Variants in PSPC1 observed in about 807,000 individuals in gnomAD.
PSPC1 encodes paraspeckle component 1, also known as paraspeckle protein 1.
Under a neutral mutation model 51.6 loss-of-function variants are expected in PSPC1, and 14 were observed. The observed-to-expected ratio is 0.27, with a 90% CI of 0.18 to 0.42. The LOEUF (loss-of-function observed/expected upper bound fraction) is 0.42. Ranked by LOEUF, PSPC1 falls within the 10% of genes least tolerant of loss-of-function variation. PSPC1 has a pLI of 1.00. For missense variants in PSPC1, 406 were observed against 701.1 expected, an observed-to-expected ratio of 0.58 and a Z score of 4.75; for synonymous variants, 193 against 231.9, an observed-to-expected ratio of 0.83 and a Z score of 1.53.
intron 6 of PSPC1, among the ~76,000 whole-genome samples, chr13:19,695,692 C>A (rs1345254368): frequency 6.6e-6 from 1 of 152,074 alleles, no homozygotes; most frequent in Admixed American, 6.5e-5. Flanking sequence ...AAAGTAAAAA[C>A]TCAAGGCAGG....
At chr13:19,717,704 T>TC (rs1374926850) in intron 6 of PSPC1, among the ~76,000 whole-genome samples, 17 of 69,644 alleles carry the variant, frequency 2.4e-4, no homozygotes, top group African/African-American at 8.3e-4. Context: ...AGACTCTGTC[T>TC]CAAAAAAAAA....
intron 6 of PSPC1, among the ~76,000 whole-genome samples, chr13:19,693,735 G>GA (rs1218177721): frequency 6.6e-6 from 1 of 152,130 alleles, no homozygotes; most frequent in Non-Finnish European, 1.5e-5. Context: ...TCTTTCCTGA[G>GA]AACTTCGTGC....
intron 5 of PSPC1, among the ~76,000 whole-genome samples, chr13:19,736,539 C>T (rs1310929903): frequency 6.6e-6 from 1 of 151,866 alleles, no homozygotes; most frequent in African/African-American, 2.4e-5. Context: ...AAAAATTAGC[C>T]AGGTGTGGTG....
rs200482553 is a variant in PSPC1 at position 19,772,403 on chromosome 13, C to A, written c.513G>T (p.Leu171=). 1.9e-6 allele frequency: 3 copies of A among 1,614,210 alleles called. No homozygotes were observed. Among genetic ancestry groups the A allele is most frequent in the African/African-American group, 2.7e-5 (2 of 75,062 alleles). Residue 171 remains leucine (L), a synonymous_variant, in exon 2 of 9, where the codon CTG becomes CTT. Transcript: ENST00000338910. The part of the protein sequence containing the change: ...KNLSPVVSNE[L]LEQAFSQFGP... ...CAAACTGAGAAAATGCTTGCTCTAG[C>A]AGCTCATTGGAAACAACTGGAGAAA...
intron 6 of PSPC1, among the ~76,000 whole-genome samples, chr13:19,696,259 T>C (rs894332390): frequency 1.3e-5 from 2 of 152,130 alleles, no homozygotes; most frequent in Non-Finnish European, 2.9e-5. Flanking sequence ...GAAACAAATC[T>C]CTATACTTAT....
chr13:19,743,157 T>C lies in PSPC1; in HGVS notation c.968-1508A>G, dbSNP rs199620204. ...AAGCTAAAAATCTTTGTGTGTGATT[T>C]TGTATAAAATTATGTATGTATATAT... On this transcript the variant is annotated intron_variant, in intron 4 of 8. Transcript: ENST00000338910. Among the ~76,000 whole-genome samples, 3 of 152,226 alleles carry C rather than the reference T, an allele frequency of 2.0e-5. No homozygotes were observed. The East Asian group carries it at 5.8e-4, about 29-fold the overall frequency.
In PSPC1 at chr13:19,728,437, TAAACAC is replaced by T. The variant is rs1428890196; in HGVS notation, c.1158+1796_1158+1801del. On this transcript the variant is annotated intron_variant, in intron 6 of 8. Coordinates refer to ENST00000338910, the MANE Select transcript of PSPC1 (RefSeq NM_001354909.2). ...CATAAGAGGGCCTAATTTCAAAGCT[TAAACAC>T]ACACACACACACACACACACACACA... Among the ~76,000 whole-genome samples, 7 of 83,720 alleles carry T rather than the reference TAAACAC, an allele frequency of 8.4e-5. No individual in the cohort carries two copies. The South Asian group carries it at 1.3e-3, about 15-fold the overall frequency. 54.9% of individuals were successfully genotyped at this position (83,720 alleles called of 152,430 possible). A position where few individuals can be genotyped will look rare whatever the true frequency, so the allele number is the denominator to read the frequency against.
At chr13:19,745,003 CT>C (rs1203515889) in intron 4 of PSPC1, among the ~76,000 whole-genome samples, 1 of 152,202 alleles carries the variant, frequency 6.6e-6, no homozygotes, top group Non-Finnish European at 1.5e-5. Context: ...CTTTGAAATG[CT>C]TTCCTGGCTG....
At chr13:19,733,793 A>G (rs2137962631) in intron 5 of PSPC1, among the ~76,000 whole-genome samples, 1 of 134,242 alleles carries the variant, frequency 7.4e-6, no homozygotes, top group Admixed American at 7.6e-5. Context: ...AAAAATATAT[A>G]TATATATATA....
Position 19,772,263 on chromosome 13 carries a change from TCAC to T in PSPC1, c.650_652del (p.Gly217del). ...TTACGTTGTTAGCAAGAATGCCCCA[TCAC>T]CACATCTTTCCAGAGCCTTTCGTGC... On this transcript the variant is annotated inframe_deletion, in exon 2 of 9. Transcript: ENST00000338910. 1.9e-6 allele frequency: 3 copies of T among 1,613,822 alleles called. No individual in the cohort carries two copies. Among genetic ancestry groups the T allele is most frequent in the Non-Finnish European group, 2.5e-6 (3 of 1,179,778 alleles).
chr13:19,691,597 A>G (rs8001587), intron 6 of PSPC1, among the ~76,000 whole-genome samples: 1,542 of 151,978 alleles, frequency 0.01, 27 homozygotes, highest in African/African-American at 0.035. Flanking sequence ...ACTTGATGGG[A>G]AACTGTTCTG....
At chr13:19,761,260 T>C (rs533493879) in intron 2 of PSPC1, among the ~76,000 whole-genome samples, 139 of 152,066 alleles carry the variant, frequency 9.1e-4, no homozygotes, top group South Asian at 3.7e-3. Context: ...GAGTGGGTAA[T>C]GAAAGATATG....
chr13:19,770,899 AAAAAAAAACAAAC>A (rs1395212908), intron 2 of PSPC1, among the ~76,000 whole-genome samples: 1 of 151,654 alleles, frequency 6.6e-6, no homozygotes, highest in Non-Finnish European at 1.5e-5. Flanking sequence ...TCGTCTCCAA[AAAAAAAAACAAAC>A]AAAAAAAACA....
At chr13:19,733,902 G>A (rs927655693) in intron 5 of PSPC1, among the ~76,000 whole-genome samples, 5 of 151,838 alleles carry the variant, frequency 3.3e-5, no homozygotes, top group East Asian at 3.9e-4. Context: ...GCGGGGAGCC[G>A]TGATCACACC....
chr13:19,735,436 C>A (rs897015072), intron 5 of PSPC1, among the ~76,000 whole-genome samples: 2 of 152,144 alleles, frequency 1.3e-5, no homozygotes, highest in Non-Finnish European at 2.9e-5. Context: ...CAGACTGAAC[C>A]AGTTCATGTA....
At chr13:19,776,799 G>T (rs1294302710) in intron 1 of PSPC1, among the ~76,000 whole-genome samples, 2 of 148,358 alleles carry the variant, frequency 1.3e-5, no homozygotes, top group Non-Finnish European at 3.0e-5. Flanking sequence ...GAGCCACCGC[G>T]CCCGGCCTAC....
chr13:19,738,896 A>G (rs1389102746), intron 5 of PSPC1, among the ~76,000 whole-genome samples: 1 of 141,252 alleles, frequency 7.1e-6, no homozygotes, highest in Non-Finnish European at 1.6e-5. Context: ...ACAGAGCGAG[A>G]CTCCATCTCA....
At chr13:19,771,240 C>G (rs116189775) in intron 2 of PSPC1, among the ~76,000 whole-genome samples, 1 of 151,930 alleles carries the variant, frequency 6.6e-6, no homozygotes, top group Non-Finnish European at 1.5e-5. Flanking sequence ...CGGGTTCAAC[C>G]GATTCTGGTG....
chr13:19,677,112 G>A lies in PSPC1; in HGVS notation c.*76+612C>T, dbSNP rs1266976819. ...GCCGGGCATGGTGGCAGGCGCCTGT[G>A]GTCCCAGCTACTCGGGAGGCTGAGG... On this transcript the variant is annotated intron_variant and NMD_transcript_variant, in intron 7 of 7. Coordinates refer to the PSPC1 transcript ENST00000471658. Among the ~76,000 whole-genome samples, 26 of 151,802 alleles carry A rather than the reference G, an allele frequency of 1.7e-4. 1 individual carries two copies. The highest frequency in any genetic ancestry group is 1.4e-3 in the East Asian group (7 of 5,144).
Sources: allele counts gnomAD v4.1 joint callset (sites outside exome capture counted in the v4.1 genomes callset), GRCh38; gene constraint gnomAD v4.1.1; transcripts MANE v1.5; gene names NCBI Gene and HGNC (gene_info 2026-07-23, HGNC 2026-07-21).